The following STPG2 variants were observed in gnomAD, a reference collection of about 807,000 sequenced individuals.
STPG2 encodes the protein sperm tail PG-rich repeat containing 2.
A neutral mutation model predicts 54.2 loss-of-function variants in STPG2; 56 were observed. That is an observed-to-expected ratio of 1.03 (90% CI 0.83 to 1.29). The LOEUF (loss-of-function observed/expected upper bound fraction) is 1.29, where lower values mean the gene tolerates loss of function less well. Ranked by LOEUF, STPG2 falls within the 50% of genes most tolerant of loss-of-function variation. The pLI, the probability that STPG2 is intolerant of heterozygous loss-of-function variation, is 0.00. For missense variants in STPG2, 596 were observed against 544.9 expected (o/e 1.09, Z -0.93); for synonymous variants, 200 against 181.8 (o/e 1.10, Z -0.81).
intron 7 of STPG2, among the ~76,000 whole-genome samples, chr4:97,971,165 G>A (rs1734310829): frequency 6.6e-6 from 1 of 152,228 alleles, no homozygotes; most frequent in Non-Finnish European, 1.5e-5. Flanking sequence ...AGATGCTGGA[G>A]AGGACGTGGA....
At chr4:97,711,613 C>T (rs2149006963) in intron 10 of STPG2, among the ~76,000 whole-genome samples, 1 of 151,086 alleles carries the variant, frequency 6.6e-6, no homozygotes, top group South Asian at 2.1e-4. Flanking sequence ...TTATTTTCTC[C>T]TTTGATGGAA....
intron 10 of STPG2, among the ~76,000 whole-genome samples, chr4:97,639,400 C>T (rs964310924): frequency 2.2e-4 from 34 of 151,518 alleles, no homozygotes; most frequent in African/African-American, 5.3e-4. Context: ...TGCTAGGTGA[C>T]GAGTTAGTGG....
At chr4:98,055,010 G>T (rs1447679378) in intron 5 of STPG2, among the ~76,000 whole-genome samples, 2 of 152,028 alleles carry the variant, frequency 1.3e-5, no homozygotes, top group Non-Finnish European at 2.9e-5. Flanking sequence ...TACAGCTAGG[G>T]CACTCCTACT....
intron 8 of STPG2, among the ~76,000 whole-genome samples, chr4:97,925,818 T>C (rs1732311815): frequency 6.6e-6 from 1 of 152,184 alleles, no homozygotes; most frequent in Non-Finnish European, 1.5e-5. Flanking sequence ...GAGACACTTT[T>C]ACCAGCTGAC....
At chr4:97,944,363 T>C (rs888604599) in intron 7 of STPG2, among the ~76,000 whole-genome samples, 4 of 151,840 alleles carry the variant, frequency 2.6e-5, no homozygotes, top group Non-Finnish European at 5.9e-5. Context: ...AACAATTTAT[T>C]ATTAATAAAA....
At chr4:97,513,482 A>G (rs1731014326) in intron 4 of STPG2, among the ~76,000 whole-genome samples, 1 of 152,104 alleles carries the variant, frequency 6.6e-6, no homozygotes, top group Non-Finnish European at 1.5e-5. Context: ...TCAAGTGACC[A>G]GCCCCCATCC....
intron 9 of STPG2, among the ~76,000 whole-genome samples, chr4:97,776,151 A>G (rs1157744960): frequency 7.2e-5 from 11 of 152,238 alleles, no homozygotes; most frequent in African/African-American, 2.2e-4. Context: ...TTTAAAAGGA[A>G]TTAACTATAT....
chr4:97,848,779 T>G (rs1729050913), intron 8 of STPG2, among the ~76,000 whole-genome samples: 3 of 151,290 alleles, frequency 2.0e-5, no homozygotes. Context: ...TTGCTTGTTT[T>G]TCTCAGGTTT....
intron 5 of STPG2, among the ~76,000 whole-genome samples, chr4:98,018,084 A>G (rs895063058): frequency 6.6e-6 from 1 of 151,996 alleles, no homozygotes; most frequent in Non-Finnish European, 1.5e-5. Context: ...TTTGTTACAT[A>G]TGTATACATG....
At chr4:97,951,382 T>C (rs1406338601) in intron 7 of STPG2, among the ~76,000 whole-genome samples, 2 of 152,218 alleles carry the variant, frequency 1.3e-5, no homozygotes, top group South Asian at 2.1e-4. Flanking sequence ...TTTGGGTGTA[T>C]TGCAGAACCT....
chr4:98,132,170 T>C (rs888802269), intron 2 of STPG2, among the ~76,000 whole-genome samples: 180 of 152,208 alleles, frequency 1.2e-3, no homozygotes, highest in African/African-American at 4.3e-3. Flanking sequence ...TATACATAGG[T>C]AAACCACTCA....
chr4:97,949,444 A>G (rs1031018792), intron 7 of STPG2, among the ~76,000 whole-genome samples: 2 of 152,034 alleles, frequency 1.3e-5, no homozygotes, highest in Non-Finnish European at 2.9e-5. Context: ...TACTGTTCCA[A>G]TCAACATGTG....
chr4:97,499,916 G>A lies in STPG2; in HGVS notation c.462+212783C>T, dbSNP rs539671173. Among the ~76,000 whole-genome samples, 276 of 152,108 alleles carry A rather than the reference G, an allele frequency of 1.8e-3. 1 individual carries two copies. The highest frequency in any genetic ancestry group is 6.4e-3 in the African/African-American group (264 of 41,552). The stretch of plus-strand genomic sequence containing the variant: ...ATAAAAGAGTAATTGGGCTGGGCCT[G>A]GAGGCAGGTCTATTGCATAGGCCTC... On this transcript the variant is annotated intron_variant, in intron 4 of 4. Coordinates refer to the STPG2 transcript ENST00000522676.
intron 9 of STPG2, among the ~76,000 whole-genome samples, chr4:97,771,123 G>A (rs546036819): frequency 5.3e-5 from 8 of 152,112 alleles, no homozygotes; most frequent in Admixed American, 2.0e-4. Flanking sequence ...ACTGAATGCT[G>A]CCATTATTTC....
chr4:97,900,910 T>A (rs923204743), intron 8 of STPG2, among the ~76,000 whole-genome samples: 1 of 151,760 alleles, frequency 6.6e-6, no homozygotes, highest in African/African-American at 2.4e-5. Context: ...TTCATATGTA[T>A]CCTCAAACTG....
At chr4:97,953,669 G>A (rs544984192) in intron 7 of STPG2, among the ~76,000 whole-genome samples, 1 of 152,332 alleles carries the variant, frequency 6.6e-6, no homozygotes, top group South Asian at 2.1e-4. Flanking sequence ...ATCAGTTCTA[G>A]CACTGGGTAG....
At chr4:97,959,932 G>C (rs1285728825) in intron 7 of STPG2, among the ~76,000 whole-genome samples, 3 of 152,208 alleles carry the variant, frequency 2.0e-5, no homozygotes, top group African/African-American at 7.2e-5. Context: ...GATGAACATA[G>C]ATGTAAAAAT....
rs559558823 is a variant in STPG2 at position 97,682,927 on chromosome 4, A to T, written c.1320+29772T>A. Among the ~76,000 whole-genome samples the T allele has an allele frequency of 2.0e-5, 3 of 151,938 alleles. No individual in the cohort carries two copies. In the East Asian group the frequency reaches 5.8e-4, roughly 29 times the overall value. ...GGTCCACAGTAGTAGGACCATGGGA[A>T]ACTGGAGACTATATGATTCACTGAA... On this transcript the variant is annotated intron_variant, in intron 10 of 10. Coordinates refer to ENST00000295268, the MANE Select transcript of STPG2 (RefSeq NM_174952.3).
At chr4:98,096,432 T>C (rs923043862) in intron 5 of STPG2, among the ~76,000 whole-genome samples, 6 of 151,438 alleles carry the variant, frequency 4.0e-5, no homozygotes, top group African/African-American at 7.3e-5. Context: ...AAACAAATGA[T>C]AATGGAAATA....
Sources: allele counts gnomAD v4.1 joint callset (sites outside exome capture counted in the v4.1 genomes callset), GRCh38; gene constraint gnomAD v4.1.1; transcripts MANE v1.5; gene names NCBI Gene and HGNC (gene_info 2026-07-23, HGNC 2026-07-21).